NXPE2: variants seen among roughly 807,000 people sequenced by gnomAD.
The protein encoded by NXPE2 is NXPE family member 2.
A neutral mutation model predicts 34.4 loss-of-function variants in NXPE2; 34 were observed. That is an observed-to-expected ratio of 0.99 (90% CI 0.75 to 1.31). The LOEUF (loss-of-function observed/expected upper bound fraction) is 1.31, where lower values mean the gene tolerates loss of function less well. Among genes scored for constraint, NXPE2 ranks in the 40% most tolerant of loss-of-function variants. The pLI is 0.00. For missense variants in NXPE2, 649 were observed against 672.5 expected (o/e 0.97, Z 0.39); for synonymous variants, 235 against 231.3 (o/e 1.02, Z -0.15).
the NXPE2 span, among the ~76,000 whole-genome samples, chr11:114,481,110 A>G: frequency 2.6e-5 from 4 of 152,150 alleles, no homozygotes; most frequent in African/African-American, 9.6e-5. Flanking sequence ...TGGGTGTTTA[A>G]CCCTCAGGAC....
At chr11:114,781,044 A>G in the NXPE2 span, among the ~76,000 whole-genome samples, 1 of 152,164 alleles carries the variant, frequency 6.6e-6, no homozygotes, top group Admixed American at 6.5e-5. Context: ...CTTACGAGGT[A>G]TGGAGTGATG....
the NXPE2 span, chr11:114,528,759 G>T: frequency 1.6e-6 from 1 of 623,244 alleles, no homozygotes; most frequent in Non-Finnish European, 3.0e-6. Context: ...GGGAGAATGA[G>T]GACCCAGGTG....
the NXPE2 span, among the ~76,000 whole-genome samples, chr11:114,734,801 T>C: frequency 2.6e-5 from 4 of 152,236 alleles, no homozygotes; most frequent in South Asian, 8.3e-4. Context: ...GTGAATATAC[T>C]AGGGAGATAT....
the NXPE2 span, among the ~76,000 whole-genome samples, chr11:114,630,933 T>C: frequency 1.3e-5 from 2 of 151,390 alleles, no homozygotes; most frequent in Non-Finnish European, 3.0e-5. Flanking sequence ...ATGCTCACCA[T>C]CACTGGCCAT....
the NXPE2 span, among the ~76,000 whole-genome samples, chr11:114,782,574 T>A: frequency 1.3e-5 from 2 of 152,206 alleles, no homozygotes; most frequent in Non-Finnish European, 2.9e-5. Context: ...GATTTTGTTA[T>A]GCCCACTTTA....
At chr11:114,616,989 G>C in the NXPE2 span, among the ~76,000 whole-genome samples, 4 of 150,034 alleles carry the variant, frequency 2.7e-5, no homozygotes, top group East Asian at 7.8e-4. Flanking sequence ...TTTCCTTGTG[G>C]GTAACCACTG....
At chr11:114,675,198 C>T (rs907539460), upstream of NXPE2, among the ~76,000 whole-genome samples, 1 of 151,752 alleles carries the variant, frequency 6.6e-6, no homozygotes, top group African/African-American at 2.4e-5. Context: ...AAACCCACAA[C>T]TAATATCATA....
At chr11:114,675,268 C>T (rs1950845113), upstream of NXPE2, among the ~76,000 whole-genome samples, 3 of 151,772 alleles carry the variant, frequency 2.0e-5, no homozygotes, top group Admixed American at 2.0e-4. Flanking sequence ...GATACCCACT[C>T]TTGCCATTGA....
the NXPE2 span, among the ~76,000 whole-genome samples, chr11:114,480,541 G>T: frequency 6.6e-6 from 1 of 152,324 alleles, no homozygotes; most frequent in South Asian, 2.1e-4. Flanking sequence ...GTTGAAAAAT[G>T]GAGAGCAATG....
At chr11:114,724,813 A>G in the NXPE2 span, among the ~76,000 whole-genome samples, 14 of 142,990 alleles carry the variant, frequency 9.8e-5, no homozygotes, top group Admixed American at 1.4e-4. Flanking sequence ...TTGCAAAGCT[A>G]CTTGAGGGAG....
At chr11:114,585,627 A>G in the NXPE2 span, among the ~76,000 whole-genome samples, 4 of 152,100 alleles carry the variant, frequency 2.6e-5, no homozygotes, top group African/African-American at 7.2e-5. Flanking sequence ...ATGTATATAC[A>G]TTCAACATTT....
At chr11:114,809,651 T>C in the NXPE2 span, among the ~76,000 whole-genome samples, 1 of 11,716 alleles carries the variant, frequency 8.5e-5, no homozygotes, top group South Asian at 0.071. Context: ...AAGGACCTCT[T>C]CTAGGAGAAC....
At chr11:114,752,497 A>G in the NXPE2 span, among the ~76,000 whole-genome samples, 1 of 152,220 alleles carries the variant, frequency 6.6e-6, no homozygotes, top group African/African-American at 2.4e-5. Context: ...CAAGGGTGGA[A>G]TCAGGGAGAT....
chr11:114,531,101 T>A, the NXPE2 span, among the ~76,000 whole-genome samples: 1 of 151,748 alleles, frequency 6.6e-6, no homozygotes, highest in East Asian at 1.9e-4. Flanking sequence ...GATATTATGA[T>A]GATGATATAA....
chr11:114,700,984 C>T (rs948587426), intron 3 of NXPE2, among the ~76,000 whole-genome samples: 2 of 152,072 alleles, frequency 1.3e-5, no homozygotes, highest in African/African-American at 2.4e-5. Context: ...ATTATGATGA[C>T]ACAGAGAGCT....
the NXPE2 span, among the ~76,000 whole-genome samples, chr11:114,757,215 GTT>G: frequency 1.3e-5 from 2 of 151,960 alleles, no homozygotes; most frequent in Non-Finnish European, 2.9e-5. Flanking sequence ...GTAGAATTTA[GTT>G]TTCTTTTTTA....
At chr11:114,763,060 A>T in the NXPE2 span, among the ~76,000 whole-genome samples, 1 of 152,050 alleles carries the variant, frequency 6.6e-6, no homozygotes, top group African/African-American at 2.4e-5. Flanking sequence ...TTATTCCTCA[A>T]CTAGCCTTTG....
chr11:114,752,257 G>C, the NXPE2 span, among the ~76,000 whole-genome samples: 1 of 152,232 alleles, frequency 6.6e-6, no homozygotes, highest in Non-Finnish European at 1.5e-5. Flanking sequence ...AGCCAGTATG[G>C]CTGAAGCCAA....
the NXPE2 span, among the ~76,000 whole-genome samples, chr11:114,794,752 A>G: frequency 6.6e-6 from 1 of 152,118 alleles, no homozygotes; most frequent in Non-Finnish European, 1.5e-5. Flanking sequence ...TCTTTAAATT[A>G]GGGGATCTTT....
Sources: gnomAD v4.1 joint callset for allele counts (sites outside exome capture counted in the v4.1 genomes callset) on GRCh38, gnomAD v4.1.1 for gene constraint, MANE v1.5 for transcripts, NCBI Gene and HGNC (gene_info 2026-07-23, HGNC 2026-07-21) for gene names.